Variants in KLHL29 observed in about 807,000 individuals in gnomAD.
KLHL29 encodes the protein kelch-like protein 29.
A neutral mutation model predicts 80.4 loss-of-function variants in KLHL29; 21 were observed. The observed-to-expected ratio is 0.26, with a 90% CI of 0.19 to 0.38. KLHL29 has a LOEUF of 0.38. KLHL29 is among the 10% of genes least tolerant of loss of function. The pLI, the probability that KLHL29 is intolerant of heterozygous loss-of-function variation, is 1.00. For missense variants in KLHL29, 867 were observed against 1,223.9 expected (o/e 0.71, Z 4.35); for synonymous variants, 511 against 526.8 (o/e 0.97, Z 0.41).
At chr2:23,398,280 T>TA (rs1354082146) in intron 1 of KLHL29, among the ~76,000 whole-genome samples, 1 of 152,234 alleles carries the variant, frequency 6.6e-6, no homozygotes, top group Non-Finnish European at 1.5e-5. Context: ...GATTCAGCCT[T>TA]AAAAAGGAAG....
chr2:23,474,369 G>A (rs535132767), intron 1 of KLHL29, among the ~76,000 whole-genome samples: 1 of 152,220 alleles, frequency 6.6e-6, no homozygotes, highest in Non-Finnish European at 1.5e-5. Flanking sequence ...ATCTTTCCCA[G>A]AATACATCGA....
chr2:23,408,218 G>A (rs1296103005), intron 1 of KLHL29, among the ~76,000 whole-genome samples: 3 of 115,890 alleles, frequency 2.6e-5, no homozygotes, highest in Non-Finnish European at 4.9e-5. Flanking sequence ...TACTATGTCT[G>A]ACATATCTTG....
At chr2:23,705,947 C>A (rs1428010972) in intron 13 of KLHL29, among the ~76,000 whole-genome samples, 2 of 152,188 alleles carry the variant, frequency 1.3e-5, no homozygotes, top group African/African-American at 4.8e-5. Flanking sequence ...GCACAGCCAT[C>A]GGTCACCCTG....
chr2:23,703,241 C>T lies in KLHL29; in HGVS notation c.2161C>T (p.His721Tyr), dbSNP rs755066901. Residue 721 changes from histidine to tyrosine, a missense_variant, in exon 12 of 14, where the codon CAC (histidine) becomes TAC (tyrosine). Coordinates refer to ENST00000486442, the MANE Select transcript of KLHL29 (RefSeq NM_052920.2). The part of the protein sequence containing the change: ...EAVAPLPKAV[H>Y]SAAATVCGGK... ...GGTGGCCCCTCTGCCCAAGGCAGTA[C>T]ACTCTGCTGCAGCCACAGTGTGTGG... 7 of 1,538,060 alleles carry T rather than the reference C, an allele frequency of 4.6e-6. No individual in the cohort carries two copies. Among genetic ancestry groups the T allele is most frequent in the Admixed American group, 2.0e-5 (1 of 49,024 alleles).
rs1665509075 is a variant in KLHL29 at position 23,503,383 on chromosome 2, A to G, written c.-46+27716A>G. The stretch of plus-strand genomic sequence containing the variant: ...GTAGCCTGACCTTCCATGGCTCTAT[A>G]ATTCTCTTTGTTATCTTTGGCCACT... On this transcript the variant is annotated intron_variant, in intron 2 of 13. Coordinates refer to ENST00000486442, the MANE Select transcript of KLHL29 (RefSeq NM_052920.2). The surrounding 1 kb of genome is among the most constrained non-coding windows in gnomAD (Gnocchi z 4.0). Among the ~76,000 whole-genome samples the G allele has an allele frequency of 6.6e-6, 1 of 152,146 alleles. No individual in the cohort carries two copies. Among genetic ancestry groups the G allele is most frequent in the African/African-American group, 2.4e-5 (1 of 41,418 alleles).
At chr2:23,402,979 T>TAC (rs1307324207) in intron 1 of KLHL29, among the ~76,000 whole-genome samples, 8 of 150,752 alleles carry the variant, frequency 5.3e-5, no homozygotes, top group Admixed American at 2.7e-4. Flanking sequence ...TATGTATATA[T>TAC]ACATATAGTT....
At chr2:23,631,986 C>T (rs140730611) in intron 3 of KLHL29, among the ~76,000 whole-genome samples, 26 of 152,280 alleles carry the variant, frequency 1.7e-4, no homozygotes, top group African/African-American at 5.1e-4. Flanking sequence ...GAGTACCTGC[C>T]GAGCATCCCC....
In KLHL29 at chr2:23,579,364, C is replaced by A. The variant is rs529211320; in HGVS notation, c.285+16883C>A. On this transcript the variant is annotated intron_variant, in intron 3 of 13. Transcript: ENST00000486442. ...CAGTTCTTTTCCCCAGATGTCTGCC[C>A]TTAGGTATCTGCCAGAACCTCAGAT... Among the ~76,000 whole-genome samples the A allele has an allele frequency of 2.0e-5, 3 of 152,298 alleles. No individual in the cohort carries two copies. The South Asian group carries it at 6.2e-4, about 32-fold the overall frequency.
chr2:23,693,414 C>T lies in KLHL29; in HGVS notation c.1428C>T (p.Ser476=), dbSNP rs970977648. The change falls in exon 8 of 14, where the codon TCC becomes TCT. Residue 476 remains serine, a synonymous_variant. Coordinates refer to ENST00000486442, the MANE Select transcript of KLHL29 (RefSeq NM_052920.2). The part of the protein sequence containing the change: ...VAAQEEILSI[S]KDDFIAYVSN... ...CCCAGGAGGAGATCCTCAGCATCTC[C>T]AAGGACGACTTCATCGCCTACGTCT... 1.9e-6 allele frequency: 3 copies of T among 1,551,754 alleles called. No homozygotes were observed. The highest frequency in any genetic ancestry group is 2.4e-5 in the East Asian group (1 of 40,922).
intron 1 of KLHL29, among the ~76,000 whole-genome samples, chr2:23,423,757 C>A (rs963535802): frequency 2.6e-5 from 4 of 152,264 alleles, no homozygotes; most frequent in African/African-American, 9.6e-5. Context: ...CCGGGGCCTC[C>A]CCTTGAGCTC....
chr2:23,472,052 G>A (rs576727589), intron 1 of KLHL29, among the ~76,000 whole-genome samples: 5 of 133,444 alleles, frequency 3.7e-5, no homozygotes, highest in South Asian at 4.9e-4. Context: ...TTTATACACC[G>A]CTACATGATG....
At chr2:23,630,098 G>A (rs1472672009) in intron 3 of KLHL29, among the ~76,000 whole-genome samples, 5 of 152,330 alleles carry the variant, frequency 3.3e-5, no homozygotes, top group South Asian at 2.1e-4. Flanking sequence ...ATTAGGAGGC[G>A]ATTGTTCATT....
chr2:23,597,401 ATATATATTTTTTT>A (rs1386127273), intron 3 of KLHL29, among the ~76,000 whole-genome samples: 33 of 55,278 alleles, frequency 6.0e-4, no homozygotes, highest in African/African-American at 1.8e-3. Context: ...ATATATATAT[ATATATATTTTTTT>A]TTTTTTTTTT....
chr2:23,572,036 A>G (rs1402479217), intron 3 of KLHL29, among the ~76,000 whole-genome samples: 2 of 152,166 alleles, frequency 1.3e-5, no homozygotes, highest in Non-Finnish European at 2.9e-5. Flanking sequence ...TGCTGCATAC[A>G]GGGATCCTGC....
chr2:23,650,879 G>A (rs1670070840), intron 5 of KLHL29, among the ~76,000 whole-genome samples: 2 of 152,174 alleles, frequency 1.3e-5, no homozygotes, highest in South Asian at 2.1e-4. Context: ...AGGTGAGCCA[G>A]GCCATGGCGT....
At chr2:23,392,609 C>T (rs1163736938) in intron 1 of KLHL29, among the ~76,000 whole-genome samples, 1 of 152,240 alleles carries the variant, frequency 6.6e-6, no homozygotes, top group Non-Finnish European at 1.5e-5. Flanking sequence ...GGATTATCCA[C>T]ATTTTACAAA....
chr2:23,511,725 ATCGTCACT>A (rs1208123964), intron 2 of KLHL29, among the ~76,000 whole-genome samples: 6 of 152,192 alleles, frequency 3.9e-5, no homozygotes, highest in Non-Finnish European at 7.3e-5. Flanking sequence ...TGCCTGACAC[ATCGTCACT>A]TAACAAAGGT....
intron 2 of KLHL29, among the ~76,000 whole-genome samples, chr2:23,486,443 A>C (rs1664934982): frequency 6.6e-6 from 1 of 151,716 alleles, no homozygotes; most frequent in Non-Finnish European, 1.5e-5. Flanking sequence ...TTTTATCTGC[A>C]TCATGAGGGG....
chr2:23,621,531 A>G (rs1486439178), intron 3 of KLHL29, among the ~76,000 whole-genome samples: 1 of 136,536 alleles, frequency 7.3e-6, no homozygotes, highest in African/African-American at 2.7e-5. Context: ...AGAGCTCAGG[A>G]GGAGGAGGAG....
Sources: gnomAD v4.1 joint callset for allele counts (sites outside exome capture counted in the v4.1 genomes callset) on GRCh38, gnomAD v4.1.1 for gene constraint, Gnocchi (gnomAD v3.1) non-coding constraint, MANE v1.5 for transcripts, NCBI Gene and HGNC (gene_info 2026-07-23, HGNC 2026-07-21) for gene names.